Variants in FBXO4 observed in about 807,000 individuals in gnomAD.
The protein encoded by FBXO4 is F-box only protein 4.
Under a neutral mutation model 43.7 loss-of-function variants are expected in FBXO4, and 36 were observed. That is an observed-to-expected ratio of 0.82 (90% CI 0.63 to 1.09). The LOEUF (loss-of-function observed/expected upper bound fraction) is 1.09. FBXO4 is among the 50% of genes least tolerant of loss of function. The pLI, the probability that FBXO4 is intolerant of heterozygous loss-of-function variation, is 0.00. For missense variants in FBXO4, 435 were observed against 474.1 expected (o/e 0.92, Z 0.77); for synonymous variants, 180 against 165.6 (o/e 1.09, Z -0.67).
the FBXO4 span, among the ~76,000 whole-genome samples, chr5:42,006,887 G>GAT: frequency 0.075 from 5,898 of 78,942 alleles, 453 homozygotes; most frequent in African/African-American, 0.14. Context: ...GGTTCATGCT[G>GAT]ATATATATAT....
chr5:41,941,368 G>A lies in FBXO4; in HGVS notation c.*87G>A. On this transcript the variant is annotated 3_prime_UTR_variant, in exon 7 of 7. Transcript: ENST00000281623. ...AATATTTGCTCAGTCAGCCCACCTT[G>A]TCCTGCCTTTTTGCAGATAGGCTTT... The A allele has an allele frequency of 1.7e-6, 2 of 1,145,416 alleles. No homozygotes were observed. Among genetic ancestry groups the A allele is most frequent in the South Asian group, 2.6e-5 (2 of 78,170 alleles). The allele number at this position is 1,145,416 out of a possible 1,614,324, so 71.0% of individuals were successfully genotyped here. A position where few individuals can be genotyped will look rare whatever the true frequency, so the allele number is the denominator to read the frequency against.
At chr5:41,978,410 A>G in the FBXO4 span, among the ~76,000 whole-genome samples, 2 of 152,230 alleles carry the variant, frequency 1.3e-5, no homozygotes, top group Non-Finnish European at 2.9e-5. Flanking sequence ...TAACAAACAC[A>G]TTGTTTAAAA....
intron 2 of FBXO4, among the ~76,000 whole-genome samples, chr5:41,929,413 T>C (rs1163238534): frequency 1.3e-5 from 2 of 152,202 alleles, no homozygotes; most frequent in Non-Finnish European, 2.9e-5. Flanking sequence ...AAATGTTCCA[T>C]GAGAGAATCT....
At chr5:41,934,607 G>A in intron 5 of FBXO4, 5 of 1,287,758 alleles carry the variant, frequency 3.9e-6, no homozygotes, top group Non-Finnish European at 3.9e-6. Context: ...GAATTCTGAT[G>A]CATTCCAAAG....
the FBXO4 span, among the ~76,000 whole-genome samples, chr5:41,992,763 A>G: frequency 1.3e-5 from 2 of 152,330 alleles, no homozygotes. Flanking sequence ...AATCTTGAAG[A>G]GCCTTCATCA....
At chr5:41,926,116 C>CA (rs1440256923) in intron 1 of FBXO4, among the ~76,000 whole-genome samples, 5 of 152,134 alleles carry the variant, frequency 3.3e-5, no homozygotes, top group South Asian at 4.1e-4. Flanking sequence ...ATGAAGAGAA[C>CA]AAAAATTATT....
the FBXO4 span, among the ~76,000 whole-genome samples, chr5:42,040,283 T>C: frequency 0.023 from 3,549 of 152,198 alleles, 134 homozygotes; most frequent in African/African-American, 0.078. Flanking sequence ...TTCCCCACTA[T>C]GGTATAAGCT....
chr5:41,949,302 G>A, the FBXO4 span, among the ~76,000 whole-genome samples: 35 of 152,164 alleles, frequency 2.3e-4, no homozygotes, highest in African/African-American at 7.5e-4. Context: ...ATGATTGTAT[G>A]TATGAGTTAG....
the FBXO4 span, among the ~76,000 whole-genome samples, chr5:41,984,973 C>T: frequency 6.6e-6 from 1 of 152,300 alleles, no homozygotes; most frequent in African/African-American, 2.4e-5. Context: ...GTTGGGTTCT[C>T]TTCAATAGAG....
the FBXO4 span, among the ~76,000 whole-genome samples, chr5:41,976,663 C>T: frequency 2.0e-5 from 3 of 152,158 alleles, no homozygotes; most frequent in African/African-American, 7.2e-5. Context: ...TGTGGCTTTG[C>T]AGGGTGAAGC....
Position 41,941,213 on chromosome 5 carries a change from ACT to A in FBXO4, c.1099_1100del (p.Leu367AspfsTer8). ...PWLVQDTEAE[T>X]LTGFLNGIEW... ...CGAGGTCCAGGATACAGAGGCTGAAACTCTGACTGGTTTTTTGAATGGCATTG... is the reference window on the plus strand; with the variant it reads ...CGAGGTCCAGGATACAGAGGCTGAAACTGACTGGTTTTTTGAATGGCATTG... On this transcript the variant is annotated frameshift_variant, in exon 7 of 7. Coordinates refer to ENST00000281623, the MANE Select transcript of FBXO4 (RefSeq NM_012176.3). LOFTEE classifies it high-confidence loss of function. The A allele has an allele frequency of 1.2e-6, 2 of 1,613,624 alleles. No individual in the cohort carries two copies. Among genetic ancestry groups the A allele is most frequent in the Non-Finnish European group, 1.7e-6 (2 of 1,179,698 alleles).
At chr5:41,927,325 T>A (rs1214053295) in intron 2 of FBXO4, 77 bp downstream of exon 2, 3 of 1,050,008 alleles carry the variant, frequency 2.9e-6, no homozygotes. Context: ...AAGTTAATCC[T>A]GACCCTGCTA....
At chr5:42,001,414 T>G in the FBXO4 span, among the ~76,000 whole-genome samples, 2 of 152,222 alleles carry the variant, frequency 1.3e-5, no homozygotes, top group African/African-American at 4.8e-5. Context: ...GTACTTTTAG[T>G]AGAGACGGGG....
chr5:41,999,988 C>T, the FBXO4 span, among the ~76,000 whole-genome samples: 2 of 151,988 alleles, frequency 1.3e-5, no homozygotes, highest in African/African-American at 4.8e-5. Context: ...CCCTCATCTC[C>T]CCAGGCCCTA....
At chr5:41,953,265 C>T in the FBXO4 span, among the ~76,000 whole-genome samples, 11 of 150,582 alleles carry the variant, frequency 7.3e-5, no homozygotes, top group East Asian at 7.8e-4. Flanking sequence ...TTTGTCCTTG[C>T]GATAGTTTAC....
chr5:42,009,308 G>A, the FBXO4 span, among the ~76,000 whole-genome samples: 1 of 151,270 alleles, frequency 6.6e-6, no homozygotes, highest in Non-Finnish European at 1.5e-5. Flanking sequence ...CGTTCCTTTG[G>A]CTTCCCTTCT....
the FBXO4 span, among the ~76,000 whole-genome samples, chr5:41,999,480 C>CATATATATATACATATATATGTGTAT: frequency 8.7e-6 from 1 of 114,944 alleles, no homozygotes; most frequent in Non-Finnish European, 1.7e-5. Context: ...TATATATACA[C>CATATATATATACATATATATGTGTAT]ATATATATAT....
chr5:41,990,383 TTACAGTC>T, the FBXO4 span, among the ~76,000 whole-genome samples: 2 of 152,192 alleles, frequency 1.3e-5, no homozygotes, highest in Non-Finnish European at 1.5e-5. Flanking sequence ...TTTATGGAAT[TTACAGTC>T]TATTGTGTAT....
the FBXO4 span, among the ~76,000 whole-genome samples, chr5:41,992,019 G>C: frequency 6.6e-6 from 1 of 152,054 alleles, no homozygotes; most frequent in African/African-American, 2.4e-5. Flanking sequence ...CAGAGGTTGC[G>C]GTGAGCCGAG....
Sources: gnomAD v4.1 joint callset for allele counts (sites outside exome capture counted in the v4.1 genomes callset) on GRCh38, gnomAD v4.1.1 for gene constraint, MANE v1.5 for transcripts, NCBI Gene and HGNC (gene_info 2026-07-23, HGNC 2026-07-21) for gene names.